The following NDC80 variants were observed in gnomAD, a reference collection of about 807,000 sequenced individuals.
The protein encoded by NDC80 is kinetochore protein NDC80 homolog.
A neutral mutation model predicts 89.3 loss-of-function variants in NDC80; 69 were observed. The observed-to-expected ratio is 0.77, with a 90% CI of 0.64 to 0.94. NDC80 has a LOEUF of 0.94. Ranked by LOEUF, NDC80 falls within the 40% of genes least tolerant of loss-of-function variation. The probability of loss-of-function intolerance (pLI) is 0.00; values close to 1 mark genes in which losing one functional copy is unlikely to be tolerated. For missense variants in NDC80, 593 were observed against 739.6 expected (o/e 0.80, Z 2.30); for synonymous variants, 243 against 255.6 (o/e 0.95, Z 0.47).
At chr18:2,611,727 T>G (rs1193881708) in intron 16 of NDC80, among the ~76,000 whole-genome samples, 1 of 152,112 alleles carries the variant, frequency 6.6e-6, no homozygotes, top group Non-Finnish European at 1.5e-5. Flanking sequence ...TTGGTTAATT[T>G]ATTAGGTGAT....
Position 2,607,964 on chromosome 18 carries a change from A to ATTATAT in NDC80, c.1558-736_1558-735insTTATAT, listed in dbSNP as rs2072721626. Among the ~76,000 whole-genome samples, 2 of 39,554 alleles carry ATTATAT rather than the reference A, an allele frequency of 5.1e-5. 1 individual carries two copies. The highest frequency in any genetic ancestry group is 8.9e-5 in the Non-Finnish European group (2 of 22,556). The allele number at this position is 39,554 out of a possible 152,430, so 25.9% of individuals were successfully genotyped here. Reference sequence around the variant, plus strand: ...GTGTTTTTATTTTACATATATACATAGTATATATATATATATATATATATA... The same window carrying ATTATAT: ...GTGTTTTTATTTTACATATATACATATTATATGTATATATATATATATATATATATA... On this transcript the variant is annotated intron_variant, in intron 14 of 16. Transcript: ENST00000261597.
intron 6 of NDC80, among the ~76,000 whole-genome samples, chr18:2,581,742 T>C (rs2072579096): frequency 6.6e-6 from 1 of 152,244 alleles, no homozygotes; most frequent in African/African-American, 2.4e-5. Context: ...CTTTTTTTTC[T>C]ATCCCTGCTT....
At chr18:2,603,190 G>A (rs1259689523) in intron 13 of NDC80, among the ~76,000 whole-genome samples, 1 of 151,898 alleles carries the variant, frequency 6.6e-6, no homozygotes, top group Non-Finnish European at 1.5e-5. Flanking sequence ...ATATGTAATA[G>A]TTGAAGCCAT....
At chr18:2,606,993 G>A (rs568425648) in intron 14 of NDC80, among the ~76,000 whole-genome samples, 4 of 152,080 alleles carry the variant, frequency 2.6e-5, no homozygotes, top group Non-Finnish European at 5.9e-5. Context: ...ACATTCTACT[G>A]TCTGACCAGC....
intron 11 of NDC80, among the ~76,000 whole-genome samples, chr18:2,597,110 G>T (rs914116726): frequency 5.3e-5 from 8 of 151,914 alleles, no homozygotes; most frequent in African/African-American, 1.2e-4. Context: ...CACCAGCATG[G>T]CACATGTATA....
intron 6 of NDC80, among the ~76,000 whole-genome samples, chr18:2,580,570 A>G (rs2143635455): frequency 6.6e-6 from 1 of 152,182 alleles, no homozygotes; most frequent in South Asian, 2.1e-4. Flanking sequence ...TGGTACATAC[A>G]GTACCACCCA....
chr18:2,594,682 G>C (rs1396135243), intron 10 of NDC80: 1 of 152,846 alleles, frequency 6.5e-6, no homozygotes, highest in East Asian at 1.9e-4. Flanking sequence ...CAAGAATTTA[G>C]AAAGGGATGA....
Position 2,573,838 on chromosome 18 carries a change from T to C in NDC80, c.101+752T>C, listed in dbSNP as rs553645575. On this transcript the variant is annotated intron_variant, in intron 2 of 16. Transcript: ENST00000261597. The stretch of plus-strand genomic sequence containing the variant: ...TACTTATACCAAAAAAAGTTATGCC[T>C]TTAATTGTATTAGAAGCTAAAAGGT... 3.3e-5 allele frequency among the ~76,000 whole-genome samples: 5 copies of C among 152,316 alleles called. No homozygotes were observed. The East Asian group carries it at 7.7e-4, about 23-fold the overall frequency.
Position 2,577,995 on chromosome 18 carries a change from T to C in NDC80, c.330T>C (p.His110=). The change falls in exon 5 of 17, where the codon CAT becomes CAC. Residue 110 remains histidine, a synonymous_variant. Coordinates refer to ENST00000261597, the MANE Select transcript of NDC80 (RefSeq NM_006101.3). ...CEFLTENGYA[H]NVSMKSLQAP... Reference sequence around the variant, plus strand: ...TTCTTACAGAAAATGGTTATGCACATAATGTGTCCATGAAATCTCTACAAG... The same window carrying C: ...TTCTTACAGAAAATGGTTATGCACACAATGTGTCCATGAAATCTCTACAAG... The C allele has an allele frequency of 6.2e-7, 1 of 1,614,030 alleles. No homozygotes were observed. The highest frequency in any genetic ancestry group is 8.5e-7 in the Non-Finnish European group (1 of 1,179,978).
intron 13 of NDC80, among the ~76,000 whole-genome samples, chr18:2,603,356 C>CATATATATATATATATATATATAT (rs60997707): frequency 0.018 from 2,191 of 119,786 alleles, 60 homozygotes; most frequent in Non-Finnish European, 0.024. Context: ...TATGTTTATA[C>CATATATATATATATATATATATAT]ATATATATAT....
chr18:2,600,496 C>G (rs1347793085), intron 12 of NDC80, among the ~76,000 whole-genome samples: 1 of 151,936 alleles, frequency 6.6e-6, no homozygotes, highest in African/African-American at 2.4e-5. Context: ...GTAGTCCCAG[C>G]TACTCGGGAG....
intron 10 of NDC80, chr18:2,594,304 C>T (rs1401182933): frequency 6.5e-6 from 1 of 152,768 alleles, no homozygotes. Context: ...TGTTGGTAAC[C>T]ACAAGAAGGC....
intron 7 of NDC80, among the ~76,000 whole-genome samples, chr18:2,586,855 G>T (rs2143642329): frequency 6.6e-6 from 1 of 152,248 alleles, no homozygotes; most frequent in East Asian, 1.9e-4. Flanking sequence ...AAACTATAAA[G>T]TACTCTTTGT....
chr18:2,605,483 A>C (rs943237623), intron 13 of NDC80, among the ~76,000 whole-genome samples: 1 of 152,176 alleles, frequency 6.6e-6, no homozygotes, highest in African/African-American at 2.4e-5. Flanking sequence ...AGTTCTGGTT[A>C]CTTGAGTATC....
At chr18:2,590,879 T>C (rs2072624274) in intron 10 of NDC80, among the ~76,000 whole-genome samples, 1 of 152,138 alleles carries the variant, frequency 6.6e-6, no homozygotes, top group African/African-American at 2.4e-5. Context: ...TATTCCACTT[T>C]GTGGTTAATA....
intron 7 of NDC80, among the ~76,000 whole-genome samples, chr18:2,586,907 C>T (rs1373137949): frequency 2.6e-5 from 4 of 152,100 alleles, no homozygotes; most frequent in Non-Finnish European, 5.9e-5. Flanking sequence ...CACAAGTTTC[C>T]GATACTCAGC....
chr18:2,597,076 A>G (rs2072660709), intron 11 of NDC80, among the ~76,000 whole-genome samples: 1 of 152,112 alleles, frequency 6.6e-6, no homozygotes, highest in South Asian at 2.1e-4. Flanking sequence ...CCTAATGCTA[A>G]ATGATGAGTT....
At position 2,612,276 on chromosome 18, in the gene NDC80, C is replaced by CTT. The variant is rs55648444; in HGVS notation, c.1791+1447_1791+1448dup. Among the ~76,000 whole-genome samples the CTT allele has an allele frequency of 5.9e-3, 357 of 60,316 alleles. 9 individuals are homozygous for CTT. Among genetic ancestry groups the CTT allele is most frequent in the Non-Finnish European group, 6.5e-3 (224 of 34,426 alleles). 39.6% of individuals were successfully genotyped at this position (60,316 alleles called of 152,430 possible). On this transcript the variant is annotated intron_variant, in intron 16 of 16. Transcript: ENST00000261597. The stretch of plus-strand genomic sequence containing the variant: ...TAGCACCTCTGACTTTCTTTTCTTT[C>CTT]TTTTTTTTTTTTTTTTTTTTTTTTT...
intron 10 of NDC80, 126 bp downstream of exon 10, chr18:2,590,288 T>G: frequency 2.1e-6 from 2 of 933,902 alleles, no homozygotes; most frequent in Non-Finnish European, 3.0e-6. Flanking sequence ...GCTACCAAGT[T>G]TTCAGTGTGT....
Sources: gnomAD v4.1 joint callset for allele counts (sites outside exome capture counted in the v4.1 genomes callset) on GRCh38, gnomAD v4.1.1 for gene constraint, MANE v1.5 for transcripts, NCBI Gene and HGNC (gene_info 2026-07-23, HGNC 2026-07-21) for gene names.